MSRA: variants seen among roughly 807,000 people sequenced by gnomAD.
MSRA encodes mitochondrial peptide methionine sulfoxide reductase.
MSRA carries 54 observed loss-of-function variants against 31.3 expected under a neutral mutation model. The ratio of observed to expected loss-of-function variants is 1.73; its 90% CI spans 1.39 to 2.17. The LOEUF (loss-of-function observed/expected upper bound fraction) is 2.17. Among genes scored for constraint, MSRA ranks in the 30% most tolerant of loss-of-function variants. The pLI, the probability that MSRA is intolerant of heterozygous loss-of-function variation, is 0.00. For missense variants in MSRA, 507 were observed against 300.9 expected (o/e 1.69, Z -5.07); for synonymous variants, 169 against 116.5 (o/e 1.45, Z -2.90).
intron 5 of MSRA, among the ~76,000 whole-genome samples, chr8:10,345,083 C>T (rs1452909726): frequency 1.3e-5 from 2 of 152,092 alleles, no homozygotes; most frequent in African/African-American, 2.4e-5. Flanking sequence ...GTTAGCCTGG[C>T]CTGGGTTGGC....
chr8:10,146,546 C>T (rs1803160856), intron 1 of MSRA, among the ~76,000 whole-genome samples: 1 of 152,058 alleles, frequency 6.6e-6, no homozygotes, highest in Non-Finnish European at 1.5e-5. Context: ...CTAGGAGTGG[C>T]TGGATGCAGG....
chr8:10,381,382 G>C (rs973392412), intron 5 of MSRA, among the ~76,000 whole-genome samples: 18 of 152,142 alleles, frequency 1.2e-4, no homozygotes, highest in African/African-American at 3.4e-4. Context: ...TTTTGGTTTA[G>C]GGCTAATCCC....
Position 10,323,334 on chromosome 8 carries a change from T to A in MSRA, c.543+3345T>A, listed in dbSNP as rs116429792. Reference sequence around the variant, plus strand: ...ATGATAATGCCATCTATAAACTCCCTTATGTAATGATTCGTAGTTCTCTAG... The same window carrying A: ...ATGATAATGCCATCTATAAACTCCCATATGTAATGATTCGTAGTTCTCTAG... On this transcript the variant is annotated intron_variant, in intron 5 of 5. Transcript: ENST00000317173. Among the ~76,000 whole-genome samples the A allele has an allele frequency of 8.5e-3, 1,289 of 152,296 alleles. 12 individuals carry two copies. The highest frequency in any genetic ancestry group is 0.029 in the African/African-American group (1,226 of 41,566).
intron 4 of MSRA, among the ~76,000 whole-genome samples, chr8:10,310,730 G>T (rs1176938417): frequency 6.6e-6 from 1 of 152,218 alleles, no homozygotes; most frequent in African/African-American, 2.4e-5. Flanking sequence ...TGACGGAGGT[G>T]GAATTCGGAC....
chr8:10,083,011 C>G (rs1333619506), intron 1 of MSRA, among the ~76,000 whole-genome samples: 1 of 152,200 alleles, frequency 6.6e-6, no homozygotes, highest in Non-Finnish European at 1.5e-5. Context: ...ATAATTAAGC[C>G]TCCAATCTGA....
At chr8:10,322,509 A>G (rs951381661) in intron 5 of MSRA, among the ~76,000 whole-genome samples, 2 of 152,170 alleles carry the variant, frequency 1.3e-5, no homozygotes, top group African/African-American at 4.8e-5. Flanking sequence ...TGTACAGAGA[A>G]GCAGAGGCAG....
intron 5 of MSRA, among the ~76,000 whole-genome samples, chr8:10,356,283 C>T (rs1459594463): frequency 6.6e-6 from 1 of 152,188 alleles, no homozygotes; most frequent in African/African-American, 2.4e-5. Context: ...TTGTTTTCTT[C>T]TTTTTGTTGT....
At chr8:10,063,618 G>A (rs1036432769) in intron 1 of MSRA, among the ~76,000 whole-genome samples, 2 of 152,128 alleles carry the variant, frequency 1.3e-5, no homozygotes, top group Admixed American at 6.5e-5. Flanking sequence ...CATGAGGGTG[G>A]AACACGCATG....
At chr8:10,303,418 C>T (rs1326061269) in intron 4 of MSRA, among the ~76,000 whole-genome samples, 1 of 152,198 alleles carries the variant, frequency 6.6e-6, no homozygotes, top group African/African-American at 2.4e-5. Context: ...GAACTCACCT[C>T]TCTGTTCATC....
chr8:10,339,698 C>T (rs943547665), intron 5 of MSRA, among the ~76,000 whole-genome samples: 2 of 151,892 alleles, frequency 1.3e-5, no homozygotes, highest in African/African-American at 2.4e-5. Context: ...CCTGCCACCA[C>T]GCCCGGCTAA....
At chr8:10,327,662 G>A (rs1044501491) in intron 5 of MSRA, among the ~76,000 whole-genome samples, 7 of 152,112 alleles carry the variant, frequency 4.6e-5, no homozygotes, top group South Asian at 2.1e-4. Flanking sequence ...GGCTGGGCAC[G>A]GTGGCTCACG....
chr8:10,372,340 A>G (rs1374815790), intron 5 of MSRA, among the ~76,000 whole-genome samples: 1 of 152,244 alleles, frequency 6.6e-6, no homozygotes, highest in Non-Finnish European at 1.5e-5. Context: ...AGGGAACTCC[A>G]TGGAGATTAC....
intron 1 of MSRA, among the ~76,000 whole-genome samples, chr8:10,186,365 C>CAGTAT (rs1807054876): frequency 6.6e-6 from 1 of 152,104 alleles, no homozygotes; most frequent in Admixed American, 6.5e-5. Context: ...CAGCCATGGA[C>CAGTAT]AGTATATAAA....
intron 5 of MSRA, among the ~76,000 whole-genome samples, chr8:10,343,896 G>T (rs1177181834): frequency 1.3e-5 from 2 of 152,206 alleles, no homozygotes; most frequent in Non-Finnish European, 2.9e-5. Context: ...ATCCTGTTCA[G>T]ACATATGTGG....
At chr8:10,227,058 G>T (rs1375386138) in intron 2 of MSRA, among the ~76,000 whole-genome samples, 1 of 152,170 alleles carries the variant, frequency 6.6e-6, no homozygotes, top group Admixed American at 6.5e-5. Context: ...TCCATCCCTG[G>T]GGAGCAGCTG....
At chr8:10,070,104 G>T (rs1797658196) in intron 1 of MSRA, among the ~76,000 whole-genome samples, 1 of 152,196 alleles carries the variant, frequency 6.6e-6, no homozygotes, top group Non-Finnish European at 1.5e-5. Flanking sequence ...CTGGAAAATG[G>T]AAAGAATGTA....
At chr8:10,086,638 C>T (rs999410182) in intron 1 of MSRA, among the ~76,000 whole-genome samples, 2 of 152,138 alleles carry the variant, frequency 1.3e-5, no homozygotes, top group African/African-American at 4.8e-5. Flanking sequence ...CAAAGTGTTT[C>T]TTATTGTGGC....
chr8:10,156,240 T>G (rs1232421186), intron 1 of MSRA, among the ~76,000 whole-genome samples: 1 of 152,188 alleles, frequency 6.6e-6, no homozygotes, highest in Non-Finnish European at 1.5e-5. Context: ...TAAAGGACAT[T>G]TTTGAGACAA....
At chr8:10,084,009 G>A (rs141109092) in intron 1 of MSRA, among the ~76,000 whole-genome samples, 29 of 152,252 alleles carry the variant, frequency 1.9e-4, no homozygotes, top group Middle Eastern at 3.4e-3. Context: ...TGAGGTCTTC[G>A]TATCAATATT....
Sources: gnomAD v4.1 joint callset for allele counts (sites outside exome capture counted in the v4.1 genomes callset) on GRCh38, gnomAD v4.1.1 for gene constraint, MANE v1.5 for transcripts, NCBI Gene and HGNC (gene_info 2026-07-23, HGNC 2026-07-21) for gene names.